SULT6B1: variants seen among roughly 807,000 people sequenced by gnomAD.
SULT6B1 encodes the protein sulfotransferase family 6B member 1.
SULT6B1 carries 44 observed loss-of-function variants against 37.2 expected under a neutral mutation model. The observed-to-expected ratio is 1.18, with a 90% CI of 0.93 to 1.52. The LOEUF (loss-of-function observed/expected upper bound fraction) is 1.52, where lower values mean the gene tolerates loss of function less well. Among genes scored for constraint, SULT6B1 ranks in the 40% most tolerant of loss-of-function variants. SULT6B1 has a pLI of 0.00. For synonymous variants in SULT6B1, 140 were observed against 126.0 expected, an observed-to-expected ratio of 1.11 and a Z score of -0.74; for missense variants, 450 against 361.0, an observed-to-expected ratio of 1.25 and a Z score of -2.00.
chr2:37,170,630 GC>G (rs1038985813), intron 6 of SULT6B1, among the ~76,000 whole-genome samples: 1 of 151,268 alleles, frequency 6.6e-6, no homozygotes, highest in African/African-American at 2.4e-5. Context: ...AATTAGCCAG[GC>G]GTGGTGGCGC....
intron 4 of SULT6B1, 105 bp downstream of exon 4, chr2:37,179,353 C>G: frequency 6.9e-7 from 1 of 1,452,462 alleles, no homozygotes; most frequent in Non-Finnish European, 9.4e-7. Flanking sequence ...TTTTGGTTCC[C>G]AGATCTACCT....
chr2:37,183,457 A>T lies in SULT6B1; in HGVS notation c.370T>A (p.Leu124Ile). ...TTATTCTCGAAGATAGACCCAGGTAATTTGTCATAGTGGAGGTGAGTTGCC... is the reference window on the plus strand; with the variant it reads ...TTATTCTCGAAGATAGACCCAGGTATTTTGTCATAGTGGAGGTGAGTTGCC... ...ILATHLHYDK[L>I]PGSIFENKAK... The change falls in exon 3 of 7, where the codon TTA (leucine) becomes ATA (isoleucine). Residue 124 changes from leucine (L) to isoleucine (I), a missense_variant. Leu to Ile is a conservative substitution (Grantham distance 5). Transcript: ENST00000535679. 1 of 1,614,168 alleles carries T rather than the reference A, an allele frequency of 6.2e-7. No homozygotes were observed.
intron 3 of SULT6B1, among the ~76,000 whole-genome samples, chr2:37,181,394 G>T (rs1443159188): frequency 6.6e-6 from 1 of 152,044 alleles, no homozygotes; most frequent in Non-Finnish European, 1.5e-5. Context: ...GTTTTTTGTT[G>T]TTTTTCAGAC....
chr2:37,191,485 G>C (rs1676777553), upstream of SULT6B1, among the ~76,000 whole-genome samples: 1 of 152,192 alleles, frequency 6.6e-6, no homozygotes, highest in African/African-American at 2.4e-5. Flanking sequence ...TTTCCATTGT[G>C]TGGGTTGGCT....
intron 6 of SULT6B1, among the ~76,000 whole-genome samples, chr2:37,169,777 G>C (rs990732421): frequency 6.6e-6 from 1 of 152,188 alleles, no homozygotes; most frequent in African/African-American, 2.4e-5. Flanking sequence ...ACAGGCATGA[G>C]CCACCATGTC....
chr2:37,169,310 T>A (rs1466233337), intron 6 of SULT6B1, among the ~76,000 whole-genome samples: 1 of 152,192 alleles, frequency 6.6e-6, no homozygotes, highest in Non-Finnish European at 1.5e-5. Context: ...CAGTAGATTT[T>A]AAAAATGGAT....
At chr2:37,178,171 A>G (rs1347807185) in intron 4 of SULT6B1, among the ~76,000 whole-genome samples, 2 of 152,004 alleles carry the variant, frequency 1.3e-5, no homozygotes, top group Admixed American at 6.6e-5. Flanking sequence ...CAGCCTCCCA[A>G]GTAGCTGAGA....
At chr2:37,194,571 T>A in intron 1 of SULT6B1, 1 of 370,952 alleles carries the variant, frequency 2.7e-6, no homozygotes, top group Non-Finnish European at 5.3e-6. Flanking sequence ...GGAGTTCCCA[T>A]CTCCTTCATT....
intron 4 of SULT6B1, among the ~76,000 whole-genome samples, chr2:37,175,460 G>A (rs1056370477): frequency 1.3e-5 from 2 of 151,960 alleles, no homozygotes; most frequent in African/African-American, 4.8e-5. Context: ...AATTAAGCAA[G>A]TTACAAAAAT....
In SULT6B1 at chr2:37,194,917, C is replaced by T. The variant is rs146245072; in HGVS notation, c.-22+1599G>A. Among the ~76,000 whole-genome samples the T allele has an allele frequency of 3.9e-3, 155 of 40,108 alleles. 1 individual carries two copies. The highest frequency in any genetic ancestry group is 0.011 in the East Asian group (8 of 714). 26.3% of individuals were successfully genotyped at this position (40,108 alleles called of 152,430 possible). A position where few individuals can be genotyped will look rare whatever the true frequency, so the allele number is the denominator to read the frequency against. On this transcript the variant is annotated intron_variant, in intron 1 of 7. Transcript: ENST00000407963. The stretch of plus-strand genomic sequence containing the variant: ...CCTTCTTTCCTTCCTTCCTTCCTTC[C>T]TTCCTTCCTTCCTTCCTTCCTTCCT...
intron 3 of SULT6B1, among the ~76,000 whole-genome samples, chr2:37,180,695 C>A (rs1237818056): frequency 2.0e-5 from 3 of 152,060 alleles, no homozygotes; most frequent in Admixed American, 6.6e-5. Flanking sequence ...ACCAGCCTGG[C>A]CAACATGGGG....
chr2:37,169,568 C>A (rs1676251427), intron 6 of SULT6B1, among the ~76,000 whole-genome samples: 1 of 152,168 alleles, frequency 6.6e-6, no homozygotes, highest in South Asian at 2.1e-4. Flanking sequence ...TGGCTCACTG[C>A]AACCTCCACC....
intron 4 of SULT6B1, among the ~76,000 whole-genome samples, chr2:37,178,768 G>A (rs147616385): frequency 6.6e-6 from 1 of 152,060 alleles, no homozygotes; most frequent in Non-Finnish European, 1.5e-5. Context: ...AATGTCTTAG[G>A]TATAGTAGCT....
chr2:37,182,103 T>A (rs1303638038), intron 3 of SULT6B1, among the ~76,000 whole-genome samples: 1 of 152,168 alleles, frequency 6.6e-6, no homozygotes, highest in Non-Finnish European at 1.5e-5. Context: ...CCCTAAGGTT[T>A]GCTTTCCTAC....
At chr2:37,190,086 A>G (rs939172349), upstream of SULT6B1, 4 of 152,228 alleles carry the variant, frequency 2.6e-5, no homozygotes, top group African/African-American at 9.7e-5. Flanking sequence ...ATCTTGTTTG[A>G]GCCACTGAAT....
chr2:37,177,817 G>C (rs1676464023), intron 4 of SULT6B1, among the ~76,000 whole-genome samples: 1 of 152,092 alleles, frequency 6.6e-6, no homozygotes, highest in South Asian at 2.1e-4. Context: ...ACATCATTTT[G>C]TTGTACACCT....
rs759458486 is a variant in SULT6B1, at chr2:37,168,082, A to G, written c.782-17T>C. ...CAACTTCACCTACAACACACAAAAA[A>G]CAGTAGACCCAGATATCTGTTAGAA... On this transcript the variant is annotated splice_polypyrimidine_tract_variant and intron_variant, in intron 6 of 6. Coordinates refer to ENST00000535679, the MANE Select transcript of SULT6B1 (RefSeq NM_001367551.1). 1.7e-5 allele frequency: 26 copies of G among 1,565,816 alleles called. No individual in the cohort carries two copies. In the East Asian group the frequency reaches 5.6e-4, roughly 34 times the overall value.
intron 3 of SULT6B1, 63 bp from the exon 4 acceptor site, chr2:37,179,647 G>A (rs1558448125): frequency 6.8e-7 from 1 of 1,460,654 alleles, no homozygotes; most frequent in East Asian, 2.3e-5. Flanking sequence ...AAAATTAAAA[G>A]GGTGAGCAAT....
chr2:37,175,146 C>T lies in SULT6B1; in HGVS notation c.610G>A (p.Glu204Lys), dbSNP rs1332552805. The T allele has an allele frequency of 6.5e-7, 1 of 1,543,946 alleles. No homozygotes were observed. Among genetic ancestry groups the T allele is most frequent in the Non-Finnish European group, 8.8e-7 (1 of 1,142,296 alleles). The change falls in exon 5 of 7, where the codon GAA becomes AAA. Residue 204 changes from glutamate (E) to lysine (K), a missense_variant. By Grantham distance (56) the Glu-to-Lys change is moderately conservative (BLOSUM62 1). Coordinates refer to ENST00000535679, the MANE Select transcript of SULT6B1 (RefSeq NM_001367551.1). Reference sequence around the variant, plus strand: ...AATAATCTCACCTCTTTCAGGTCTTCATATAATATGAACTTAACATTGTCG... The same window carrying T: ...AATAATCTCACCTCTTTCAGGTCTTTATATAATATGAACTTAACATTGTCG... ...DGDNVKFILYEDLKENLAAGI... is the reference protein window; with the variant it reads ...DGDNVKFILYKDLKENLAAGI...
Sources: gnomAD v4.1 joint callset for allele counts (sites outside exome capture counted in the v4.1 genomes callset) on GRCh38, gnomAD v4.1.1 for gene constraint, MANE v1.5 for transcripts, NCBI Gene and HGNC (gene_info 2026-07-23, HGNC 2026-07-21) for gene names.